The following CUX1 variants were observed in gnomAD, a reference collection of about 807,000 sequenced individuals.
CUX1 encodes protein CASP.
Under a neutral mutation model 158.8 loss-of-function variants are expected in CUX1, and 31 were observed. That is an observed-to-expected ratio of 0.20 (90% confidence interval 0.15 to 0.26). CUX1 has a LOEUF of 0.26. Among genes scored for constraint, CUX1 ranks in the 10% least tolerant of loss-of-function variants. The pLI is 1.00. For synonymous variants in CUX1, 879 were observed against 862.1 expected (o/e 1.02, Z -0.34); for missense variants, 1,589 against 2,014.6 (o/e 0.79, Z 4.04).
intron 8 of CUX1, among the ~76,000 whole-genome samples, chr7:102,137,567 T>C (rs1390177600): frequency 4.6e-5 from 7 of 151,848 alleles, no homozygotes; most frequent in East Asian, 1.9e-4. Flanking sequence ...ACCCTGGAGG[T>C]GAAGGTTACA....
chr7:102,021,856 C>T (rs543459799), intron 2 of CUX1, among the ~76,000 whole-genome samples: 6 of 152,190 alleles, frequency 3.9e-5, no homozygotes, highest in East Asian at 1.9e-4. Context: ...CCACCACACC[C>T]GGCCCAGATA....
intron 9 of CUX1, among the ~76,000 whole-genome samples, chr7:102,164,039 G>T (rs563265518): frequency 2.6e-5 from 4 of 152,190 alleles, no homozygotes; most frequent in Admixed American, 6.5e-5. Flanking sequence ...GTCCCAATTG[G>T]TGACAGTAAA....
intron 4 of CUX1, among the ~76,000 whole-genome samples, chr7:102,091,091 A>T (rs1427601864): frequency 1.3e-5 from 2 of 152,042 alleles, no homozygotes; most frequent in African/African-American, 4.8e-5. Context: ...TTTGCCCATC[A>T]GTATATAGAT....
At position 101,869,038 on chromosome 7, in the gene CUX1, G is replaced by A. The variant is rs1191797801; in HGVS notation, c.31-47077G>A. 1.3e-5 allele frequency among the ~76,000 whole-genome samples: 2 copies of A among 151,868 alleles called. No individual in the cohort carries two copies. The highest frequency in any genetic ancestry group is 2.4e-5 in the African/African-American group (1 of 41,380). On this transcript the variant is annotated intron_variant, in intron 1 of 23. Coordinates refer to ENST00000292535, the MANE Select transcript of CUX1 (RefSeq NM_181552.4). The surrounding 1 kb of genome is among the most constrained non-coding windows in gnomAD (Gnocchi z 4.5). Reference sequence around the variant, plus strand: ...GAGACGCTTCCGCAGGAGATGGTGCGGCTGGGGTGGAGACTTCCTGGCTTC... The same window carrying A: ...GAGACGCTTCCGCAGGAGATGGTGCAGCTGGGGTGGAGACTTCCTGGCTTC...
At position 102,254,800 on chromosome 7, in the gene CUX1, G is replaced by A. The variant is rs1320315540; in HGVS notation, c.*5758G>A. On this transcript the variant is annotated 3_prime_UTR_variant, in exon 24 of 24. Coordinates refer to ENST00000292535, the MANE Select transcript of CUX1 (RefSeq NM_181552.4). ...GTGTGATGTGGTTGGATCTCAGCGT[G>A]TACTGAATGCCAGTCTGGCCGGCAC... The A allele has an allele frequency of 7.1e-6, 7 of 985,364 alleles. No homozygotes were observed. Among genetic ancestry groups the A allele is most frequent in the Non-Finnish European group, 7.2e-6 (6 of 829,964 alleles). The allele number at this position is 985,364 out of a possible 1,614,324, so 61.0% of individuals were successfully genotyped here.
chr7:102,102,967 C>T (rs1829942828), intron 5 of CUX1, among the ~76,000 whole-genome samples: 1 of 152,114 alleles, frequency 6.6e-6, no homozygotes, highest in Non-Finnish European at 1.5e-5. Flanking sequence ...TTGTCCTGCC[C>T]CAGAGCCACC....
At chr7:102,018,832 G>A (rs28552411) in intron 2 of CUX1, among the ~76,000 whole-genome samples, 1 of 151,776 alleles carries the variant, frequency 6.6e-6, no homozygotes, top group African/African-American at 2.4e-5. Flanking sequence ...ACAAACACAC[G>A]AGCCGCTGGT....
intron 1 of CUX1, among the ~76,000 whole-genome samples, chr7:101,842,744 G>A (rs143122936): frequency 6.7e-6 from 1 of 150,068 alleles, no homozygotes; most frequent in East Asian, 2.0e-4. Flanking sequence ...CTGTTACATT[G>A]CATGTATGAT....
At chr7:102,227,254 C>A in intron 20 of CUX1, 113 bp from the exon 21 acceptor site, 1 of 909,760 alleles carries the variant, frequency 1.1e-6, no homozygotes, top group Non-Finnish European at 1.7e-6. Context: ...AAAACCCTAC[C>A]GTCTGCTTCT....
At position 101,923,178 on chromosome 7, in the gene CUX1, C is replaced by G. The variant is rs531506283; in HGVS notation, c.141+6953C>G. On this transcript the variant is annotated intron_variant, in intron 2 of 23. Coordinates refer to ENST00000292535, the MANE Select transcript of CUX1 (RefSeq NM_181552.4). ...GCTGGACAGTTTGGAGACCAGGTAA[C>G]CCAGCGTGGGGTCCTCCCTGGAGAA... 1.5e-4 allele frequency among the ~76,000 whole-genome samples: 23 copies of G among 152,232 alleles called. No homozygotes were observed. The East Asian group carries it at 4.1e-3, about 27-fold the overall frequency.
At chr7:102,121,535 G>A (rs912896246) in intron 8 of CUX1, among the ~76,000 whole-genome samples, 2 of 152,188 alleles carry the variant, frequency 1.3e-5, no homozygotes, top group Middle Eastern at 6.8e-3. Context: ...TAGTAGAGAC[G>A]AGGTTTCACC....
At chr7:102,133,883 G>T (rs372845953) in intron 8 of CUX1, among the ~76,000 whole-genome samples, 3 of 152,150 alleles carry the variant, frequency 2.0e-5, no homozygotes, top group Non-Finnish European at 4.4e-5. Context: ...ACCTCGTTGC[G>T]AGTGGAAATC....
At chr7:101,936,989 G>A (rs954481589) in intron 2 of CUX1, among the ~76,000 whole-genome samples, 1 of 152,182 alleles carries the variant, frequency 6.6e-6, no homozygotes, top group Non-Finnish European at 1.5e-5. Context: ...CAGTCACCGG[G>A]GAAGGGCCTG....
intron 2 of CUX1, among the ~76,000 whole-genome samples, chr7:101,942,247 G>A (rs930254652): frequency 2.0e-5 from 3 of 152,196 alleles, no homozygotes; most frequent in Non-Finnish European, 4.4e-5. Flanking sequence ...AAAATTCCCA[G>A]CAGGGAAACG....
intron 20 of CUX1, among the ~76,000 whole-genome samples, chr7:102,210,615 G>T (rs782240251): frequency 6.6e-6 from 1 of 152,232 alleles, no homozygotes; most frequent in Non-Finnish European, 1.5e-5. Flanking sequence ...TATCCAGGTG[G>T]AAGGATGGTC....
chr7:102,168,923 C>CTTTTTTTTTTTTT (rs1191271149), intron 9 of CUX1, among the ~76,000 whole-genome samples: 10 of 45,044 alleles, frequency 2.2e-4, no homozygotes, highest in African/African-American at 1.6e-3. Flanking sequence ...ATTTTCTTTT[C>CTTTTTTTTTTTTT]TTTTCTTTTA....
At chr7:102,058,402 T>G (rs1409771118) in intron 3 of CUX1, among the ~76,000 whole-genome samples, 2 of 151,764 alleles carry the variant, frequency 1.3e-5, no homozygotes, top group East Asian at 3.9e-4. Context: ...GCCTCCCGAG[T>G]AGCTGGAATT....
chr7:101,982,783 A>G (rs1047359238), intron 2 of CUX1, among the ~76,000 whole-genome samples: 1 of 151,740 alleles, frequency 6.6e-6, no homozygotes, highest in Non-Finnish European at 1.5e-5. Flanking sequence ...CAGGTTTGTT[A>G]CATATGTATA....
intron 3 of CUX1, among the ~76,000 whole-genome samples, chr7:102,047,385 A>G (rs538674332): frequency 1.3e-5 from 2 of 151,582 alleles, no homozygotes; most frequent in East Asian, 3.9e-4. Context: ...GATTGGATAG[A>G]AGGATGGATG....
Sources: allele counts gnomAD v4.1 joint callset (sites outside exome capture counted in the v4.1 genomes callset), GRCh38; gene constraint gnomAD v4.1.1; non-coding constraint Gnocchi (gnomAD v3.1); transcripts MANE v1.5; gene names NCBI Gene and HGNC (gene_info 2026-07-23, HGNC 2026-07-21).